The following HAPLN3 variants were observed in gnomAD, a reference collection of about 807,000 sequenced individuals.
HAPLN3 encodes hyaluronan and proteoglycan link protein 3, also known as extracellular link domain containing, 1.
In HAPLN3, 28 loss-of-function variants were observed where a neutral mutation model predicts 28.1. The observed-to-expected ratio is 1.00, with a 90% CI of 0.74 to 1.37. The LOEUF (loss-of-function observed/expected upper bound fraction) is 1.37, where lower values mean the gene tolerates loss of function less well. Ranked by LOEUF, HAPLN3 falls within the 40% of genes most tolerant of loss-of-function variation. HAPLN3 has a pLI of 0.00. For synonymous variants in HAPLN3, 211 were observed against 213.1 expected, an observed-to-expected ratio of 0.99 and a Z score of 0.09; for missense variants, 513 against 504.6, an observed-to-expected ratio of 1.02 and a Z score of -0.16.
chr15:88,885,657 A>T (rs1197034772), intron 2 of HAPLN3, among the ~76,000 whole-genome samples: 4 of 152,114 alleles, frequency 2.6e-5, no homozygotes, highest in Non-Finnish European at 5.9e-5. Flanking sequence ...GGATTTCACC[A>T]GGTTGGTCAG....
rs78894646 is a variant in HAPLN3, at chr15:88,881,460, C to G, written c.390G>C (p.Ser130=). 2 of 1,614,046 alleles carry G rather than the reference C, an allele frequency of 1.2e-6. No individual in the cohort carries two copies. Among genetic ancestry groups the G allele is most frequent in the South Asian group, 1.1e-5 (1 of 91,080 alleles). The part of the protein sequence containing the change: ...HLRQDKEHDV[S]LEIQDLRLED... Reference sequence around the variant, plus strand: ...CCAGCCGCAGATCCTGGATCTCCAGCGAGACGTCATGCTCTTTGTCCTGCC... The same window carrying G: ...CCAGCCGCAGATCCTGGATCTCCAGGGAGACGTCATGCTCTTTGTCCTGCC... The change falls in exon 3 of 5, where the codon TCG becomes TCC. Residue 130 remains serine (S), a synonymous_variant. Coordinates refer to ENST00000359595, the MANE Select transcript of HAPLN3 (RefSeq NM_178232.4). This position sits in a 1 kb window ranked among gnomAD's most constrained non-coding sequence, Gnocchi z 6.0.
At chr15:88,887,060 T>C (rs1265386368) in intron 2 of HAPLN3, 115 bp downstream of exon 2, 1 of 1,189,694 alleles carries the variant, frequency 8.4e-7, no homozygotes, top group Non-Finnish European at 1.3e-6. Flanking sequence ...ACAAGGGCCC[T>C]GCTGGAACAG....
intron 2 of HAPLN3, among the ~76,000 whole-genome samples, chr15:88,885,556 C>G (rs1234995761): frequency 6.6e-6 from 1 of 150,724 alleles, no homozygotes; most frequent in Non-Finnish European, 1.5e-5. Flanking sequence ...CTCCCAGGTT[C>G]AAGCAATTCT....
At chr15:88,889,458 C>T (rs1269931194) in intron 1 of HAPLN3, among the ~76,000 whole-genome samples, 1 of 152,206 alleles carries the variant, frequency 6.6e-6, no homozygotes, top group Admixed American at 6.5e-5. Context: ...GCCTCAGCCT[C>T]CCGAGTAGCT....
rs1285590163 is a variant in HAPLN3, at chr15:88,881,545, A to G, written c.305T>C (p.Leu102Pro). Residue 102 changes from leucine (L) to proline (P), a missense_variant, in exon 3 of 5, where the codon CTG (leucine) becomes CCG (proline). Physicochemically the swap from Leu to Pro is moderately conservative, Grantham distance 98 (BLOSUM62 -3). Transcript: ENST00000359595. The surrounding 1 kb of genome is among the most constrained non-coding windows in gnomAD (Gnocchi z 6.0). Reference protein sequence around the residue: ...SENGAPEKDVLVAIGLRHRSF... With the variant: ...SENGAPEKDVPVAIGLRHRSF... ...GCGGTGCCTCAGCCCGATGGCCACC[A>G]GCACGTCCTTCTCTGGGGCCCCGTT... is the stretch of plus-strand genomic sequence containing the variant. The G allele has an allele frequency of 6.2e-7, 1 of 1,614,148 alleles. No homozygotes were observed. Among genetic ancestry groups the G allele is most frequent in the South Asian group, 1.1e-5 (1 of 91,084 alleles).
At position 88,881,317 on chromosome 15, in the gene HAPLN3, C is replaced by G; in HGVS notation, c.493+40G>C. The stretch of plus-strand genomic sequence containing the variant: ...TTTCTCTGGTCCTCTCCCCTCTGCT[C>G]TCAGGTCCCAGTGTCACCCAGTCCC... On this transcript the variant is annotated intron_variant, in intron 3 of 4. Transcript: ENST00000359595. The surrounding 1 kb of genome is among the most constrained non-coding windows in gnomAD (Gnocchi z 6.0). 1.3e-6 allele frequency: 2 copies of G among 1,579,896 alleles called. No homozygotes were observed. The highest frequency in any genetic ancestry group is 1.2e-5 in the South Asian group (1 of 85,512).
chr15:88,893,918 G>C lies in HAPLN3; in HGVS notation c.-48+1541C>G, dbSNP rs12591166. The stretch of plus-strand genomic sequence containing the variant: ...ACTCCAGTCTGGGCAAGAAGAGTGA[G>C]ACTCCATCTCAAAAAAAAAAAAAAA... On this transcript the variant is annotated intron_variant, in intron 1 of 4. Coordinates refer to ENST00000359595, the MANE Select transcript of HAPLN3 (RefSeq NM_178232.4). 3.7e-4 allele frequency among the ~76,000 whole-genome samples: 47 copies of C among 127,250 alleles called. No homozygotes were observed. In the East Asian group the frequency reaches 0.01, roughly 28 times the overall value. 83.5% of individuals were successfully genotyped at this position (127,250 alleles called of 152,430 possible).
chr15:88,890,210 C>G (rs74029047), intron 1 of HAPLN3, among the ~76,000 whole-genome samples: 2,280 of 152,240 alleles, frequency 0.015, 61 homozygotes, highest in African/African-American at 0.052. Flanking sequence ...ATCCACCATT[C>G]CCTTAGACAC....
At position 88,880,680 on chromosome 15, in the gene HAPLN3, G is replaced by A. The variant is rs1271405278; in HGVS notation, c.493+677C>T. 9 of 1,095,842 alleles carry A rather than the reference G, an allele frequency of 8.2e-6. No individual in the cohort carries two copies. Among genetic ancestry groups the A allele is most frequent in the Non-Finnish European group, 1.1e-5 (9 of 818,680 alleles). The allele number at this position is 1,095,842 out of a possible 1,614,324, so 67.9% of individuals were successfully genotyped here. Reference sequence around the variant, plus strand: ...CCCCACATACAAGATCCGGCTTGCAGGGTGTGGCTGGTTTGGACAGCACTG... The same window carrying A: ...CCCCACATACAAGATCCGGCTTGCAAGGTGTGGCTGGTTTGGACAGCACTG... On this transcript the variant is annotated intron_variant, in intron 3 of 4. Coordinates refer to ENST00000359595, the MANE Select transcript of HAPLN3 (RefSeq NM_178232.4). The surrounding 1 kb of genome is among the most constrained non-coding windows in gnomAD (Gnocchi z 6.0).
At position 88,888,384 on chromosome 15, in the gene HAPLN3, C is replaced by G. The variant is rs2141670937; in HGVS notation, c.-47-1039G>C. Reference sequence around the variant, plus strand: ...GAGATTACAGGCATAAGCCACTGCGCCCAACTCAAAAATAATTTTTGAACA... The same window carrying G: ...GAGATTACAGGCATAAGCCACTGCGGCCAACTCAAAAATAATTTTTGAACA... On this transcript the variant is annotated intron_variant, in intron 1 of 4. Coordinates refer to ENST00000359595, the MANE Select transcript of HAPLN3 (RefSeq NM_178232.4). This position sits in a 1 kb window ranked among gnomAD's most constrained non-coding sequence, Gnocchi z 4.1. Among the ~76,000 whole-genome samples the G allele has an allele frequency of 6.6e-6, 1 of 152,268 alleles. No individual in the cohort carries two copies.
chr15:88,884,456 C>T (rs746844974), intron 2 of HAPLN3, among the ~76,000 whole-genome samples: 6 of 152,060 alleles, frequency 3.9e-5, no homozygotes, highest in East Asian at 1.9e-4. Context: ...CCCAGCTACT[C>T]GGGAGGCTGA....
At position 88,880,298 on chromosome 15, in the gene HAPLN3, TG is replaced by T. The variant is rs1297872305; in HGVS notation, c.494-1030del. 2 of 1,059,850 alleles carry T rather than the reference TG, an allele frequency of 1.9e-6. No individual in the cohort carries two copies. The highest frequency in any genetic ancestry group is 1.0e-4 in the Admixed American group (2 of 19,116). The allele number at this position is 1,059,850 out of a possible 1,614,324, so 65.7% of individuals were successfully genotyped here. On this transcript the variant is annotated intron_variant, in intron 3 of 4. Transcript: ENST00000359595. The surrounding 1 kb of genome is among the most constrained non-coding windows in gnomAD (Gnocchi z 6.0). ...TCTTGCAGGTTCTCCCCAACTCCACTGCCACCCCAACTTCAAGAATGAGGAA... is the reference window on the plus strand; with the variant it reads ...TCTTGCAGGTTCTCCCCAACTCCACTCCACCCCAACTTCAAGAATGAGGAA...
chr15:88,888,293 G>A lies in HAPLN3; in HGVS notation c.-47-948C>T, dbSNP rs144523108. Among the ~76,000 whole-genome samples, 6,560 of 151,834 alleles carry A rather than the reference G, an allele frequency of 0.043. 484 individuals are homozygous for A. Among genetic ancestry groups the A allele is most frequent in the African/African-American group, 0.15 (6,082 of 41,336 alleles). ...ATTTTAGTACAGACGGGGTTTCACC[G>A]CGTTAGCCAGGATGATCTCAATCTC... On this transcript the variant is annotated intron_variant, in intron 1 of 4. Coordinates refer to ENST00000359595, the MANE Select transcript of HAPLN3 (RefSeq NM_178232.4). The surrounding 1 kb of genome is among the most constrained non-coding windows in gnomAD (Gnocchi z 4.1).
rs1897882098 is a variant in HAPLN3 at position 88,887,181 on chromosome 15, C to T, written c.118G>A (p.Gly40Ser). The change falls in exon 2 of 5, where the codon GGC becomes AGC. Residue 40 changes from glycine to serine, a missense_variant. Coordinates refer to ENST00000359595, the MANE Select transcript of HAPLN3 (RefSeq NM_178232.4). ...GGTGCAGGAGGTCGCCTACCTTTGC[C>T]ATGACCGTTGCCTAGGTTCTGGTCG... The part of the protein sequence containing the change: ...ANDQNLGNGH[G>S]KDLLNGVKLV... 1.9e-6 allele frequency: 3 copies of T among 1,614,042 alleles called. No individual in the cohort carries two copies. The South Asian group carries it at 3.3e-5, about 18-fold the overall frequency.
Position 88,887,299 on chromosome 15 carries a change from C to A in HAPLN3, c.-1G>T, listed in dbSNP as rs149253776. On this transcript the variant is annotated 5_prime_UTR_variant, in exon 2 of 5. Transcript: ENST00000359595. The stretch of plus-strand genomic sequence containing the variant: ...ACGGGACCAGGAGCAACAGGCCCAT[C>A]TCCTCATGCCAGGGTGACCCGGGCC... 5.0e-5 allele frequency: 81 copies of A among 1,614,010 alleles called. 1 individual carries two copies. The highest frequency in any genetic ancestry group is 4.9e-4 in the East Asian group (22 of 44,872).
At chr15:88,883,977 G>T (rs532282216) in intron 2 of HAPLN3, among the ~76,000 whole-genome samples, 28 of 152,032 alleles carry the variant, frequency 1.8e-4, no homozygotes, top group African/African-American at 6.8e-4. Flanking sequence ...AACTCAGGAG[G>T]CTAAAGTGGA....
intron 1 of HAPLN3, among the ~76,000 whole-genome samples, chr15:88,890,480 C>A (rs1039849316): frequency 6.6e-6 from 1 of 152,110 alleles, no homozygotes; most frequent in South Asian, 2.1e-4. Flanking sequence ...TCCTCGGTTG[C>A]GAAATGGAGA....
Position 88,879,921 on chromosome 15 carries a change from C to T in HAPLN3, c.494-652G>A, listed in dbSNP as rs374789427. The T allele has an allele frequency of 4.9e-5, 50 of 1,016,678 alleles. No homozygotes were observed. The African/African-American group carries it at 7.3e-4, about 15-fold the overall frequency. 63.0% of individuals were successfully genotyped at this position (1,016,678 alleles called of 1,614,324 possible). ...TTTACTCTAATAAAAAGTTTTTAAA[C>T]TTCTGAGATGTAGTCTCTACCAAGT... On this transcript the variant is annotated intron_variant, in intron 3 of 4. Transcript: ENST00000359595. The surrounding 1 kb of genome is among the most constrained non-coding windows in gnomAD (Gnocchi z 5.0).
intron 1 of HAPLN3, among the ~76,000 whole-genome samples, chr15:88,890,453 G>C (rs1287679916): frequency 6.6e-6 from 1 of 152,172 alleles, no homozygotes; most frequent in South Asian, 2.1e-4. Flanking sequence ...TATTCACTGC[G>C]AGATTCTGGG....
Sources: gnomAD v4.1 joint callset for allele counts (sites outside exome capture counted in the v4.1 genomes callset) on GRCh38, gnomAD v4.1.1 for gene constraint, Gnocchi (gnomAD v3.1) non-coding constraint, MANE v1.5 for transcripts, NCBI Gene and HGNC (gene_info 2026-07-23, HGNC 2026-07-21) for gene names.